KLF13: variants seen among roughly 807,000 people sequenced by gnomAD.
The protein encoded by KLF13 is KLF transcription factor 13, also known as Krueppel-like factor 13.
KLF13 carries 8 observed loss-of-function variants against 16.7 expected under a neutral mutation model. The ratio of observed to expected loss-of-function variants is 0.48; its 90% CI spans 0.28 to 0.87. KLF13 has a LOEUF of 0.87. Among genes scored for constraint, KLF13 ranks in the 40% least tolerant of loss-of-function variants. The pLI, the probability that KLF13 is intolerant of heterozygous loss-of-function variation, is 0.10. For synonymous variants in KLF13, 245 were observed against 208.4 expected, an observed-to-expected ratio of 1.18 and a Z score of -1.51; for missense variants, 447 against 452.2, an observed-to-expected ratio of 0.99 and a Z score of 0.10.
intron 1 of KLF13, among the ~76,000 whole-genome samples, chr15:31,360,106 C>T (rs956333876): frequency 6.6e-6 from 1 of 152,198 alleles, no homozygotes; most frequent in South Asian, 2.1e-4. Context: ...CTTCTGGGGG[C>T]CTGGCCGTGG....
rs188519038 is a variant in KLF13 at position 31,354,279 on chromosome 15, G to A, written c.578-17731G>A. ...CGTGGTGTGCTGGTGAGCAGGCCTG[G>A]GGAGAGCCAGAGGAGGGATGGGCTG... is the stretch of plus-strand genomic sequence containing the variant. On this transcript the variant is annotated intron_variant, in intron 1 of 1. Transcript: ENST00000307145. Among the ~76,000 whole-genome samples the A allele has an allele frequency of 3.0e-4, 45 of 152,346 alleles. 1 individual carries two copies. The South Asian group carries it at 3.1e-3, about 11-fold the overall frequency.
At chr15:31,424,796 A>G (rs186248784) in intron 1 of KLF13, among the ~76,000 whole-genome samples, 2 of 152,136 alleles carry the variant, frequency 1.3e-5, no homozygotes, top group East Asian at 3.9e-4. Flanking sequence ...GAAGAAAGAA[A>G]CTAAAGGCAT....
At chr15:31,385,018 T>A (rs113376180) in intron 1 of KLF13, among the ~76,000 whole-genome samples, 298 of 152,206 alleles carry the variant, frequency 2.0e-3, no homozygotes, top group African/African-American at 6.7e-3. Flanking sequence ...GATTTCATAA[T>A]CCTCATGAAT....
intron 2 of KLF13, among the ~76,000 whole-genome samples, chr15:31,396,059 CTT>C (rs775974099): frequency 6.6e-6 from 1 of 152,134 alleles, no homozygotes; most frequent in Non-Finnish European, 1.5e-5. Context: ...GAGTTTCGCT[CTT>C]GTTTCCCATG....
chr15:31,410,023 C>T (rs752349645), intron 1 of KLF13, among the ~76,000 whole-genome samples: 4 of 151,972 alleles, frequency 2.6e-5, no homozygotes, highest in Non-Finnish European at 4.4e-5. Flanking sequence ...TAAAAGACAA[C>T]GGTCTCAAGC....
intron 1 of KLF13, among the ~76,000 whole-genome samples, chr15:31,424,905 A>ACACACACAC (rs1555383520): frequency 1.3e-5 from 2 of 151,438 alleles, no homozygotes; most frequent in Non-Finnish European, 2.9e-5. Context: ...ACACACACAC[A>ACACACACAC]AAGCTCTTAG....
At chr15:31,378,982 G>A (rs2039690996), downstream of KLF13, among the ~76,000 whole-genome samples, 1 of 152,176 alleles carries the variant, frequency 6.6e-6, no homozygotes, top group Admixed American at 6.5e-5. Context: ...GCCTCCCAAA[G>A]TGCTGGGGAT....
downstream of KLF13, among the ~76,000 whole-genome samples, chr15:31,409,619 C>T (rs1203436382): frequency 6.6e-6 from 1 of 152,038 alleles, no homozygotes; most frequent in African/African-American, 2.4e-5. Flanking sequence ...AAAGAAAAGA[C>T]CCTGAAGACA....
intron 1 of KLF13, among the ~76,000 whole-genome samples, chr15:31,421,261 G>A (rs959444770): frequency 4.6e-5 from 7 of 152,094 alleles, no homozygotes; most frequent in Non-Finnish European, 8.8e-5. Context: ...ACAAAAAAAT[G>A]CTAAAGGGAG....
upstream of KLF13, among the ~76,000 whole-genome samples, chr15:31,388,470 C>T (rs181730404): frequency 5.9e-5 from 9 of 151,824 alleles, no homozygotes; most frequent in South Asian, 2.1e-4. Flanking sequence ...CAAAATTAGC[C>T]GGGTGCGGTG....
intron 1 of KLF13, among the ~76,000 whole-genome samples, chr15:31,419,595 C>T (rs1566846384): frequency 6.6e-6 from 1 of 151,928 alleles, no homozygotes; most frequent in South Asian, 2.1e-4. Flanking sequence ...AAGTTGAAGA[C>T]AGATAATTTG....
chr15:31,333,350 T>G (rs942825654), intron 1 of KLF13, among the ~76,000 whole-genome samples: 5 of 152,216 alleles, frequency 3.3e-5, no homozygotes, highest in African/African-American at 1.2e-4. Context: ...TGTGTCCTAC[T>G]GCCACTCCTG....
downstream of KLF13, among the ~76,000 whole-genome samples, chr15:31,407,851 G>A (rs1354212965): frequency 6.6e-6 from 1 of 152,128 alleles, no homozygotes; most frequent in Non-Finnish European, 1.5e-5. Flanking sequence ...GCACCCATTT[G>A]TACTTACAGT....
chr15:31,384,109 T>C (rs1301793838), intron 1 of KLF13, among the ~76,000 whole-genome samples: 1 of 152,050 alleles, frequency 6.6e-6, no homozygotes, highest in Non-Finnish European at 1.5e-5. Context: ...CTTTTCTCTA[T>C]AGCTATATTG....
intron 1 of KLF13, among the ~76,000 whole-genome samples, chr15:31,346,906 G>A (rs1442722114): frequency 6.6e-6 from 1 of 152,144 alleles, no homozygotes; most frequent in Non-Finnish European, 1.5e-5. Flanking sequence ...CTGGACGTGT[G>A]GGTTGGGTGG....
chr15:31,420,451 C>T lies in KLF13; in HGVS notation n.118-14919C>T. 3 of 868,706 alleles carry T rather than the reference C, an allele frequency of 3.5e-6. No individual in the cohort carries two copies. The Admixed American group carries it at 5.3e-5, about 15-fold the overall frequency. The allele number at this position is 868,706 out of a possible 1,614,324, so 53.8% of individuals were successfully genotyped here. On this transcript the variant is annotated intron_variant and non_coding_transcript_variant, in intron 1 of 1. Transcript: ENST00000558225. ...CATCCTGCTACCACCCCAACATAGA[C>T]ACCCAGGGTAACATATGCCTGGATA...
chr15:31,348,302 C>G (rs1034684711), intron 1 of KLF13, among the ~76,000 whole-genome samples: 8 of 152,080 alleles, frequency 5.3e-5, no homozygotes, highest in Admixed American at 5.2e-4. Flanking sequence ...ACAGCAGAAC[C>G]CAGAGGGCCT....
downstream of KLF13, among the ~76,000 whole-genome samples, chr15:31,378,080 T>C (rs1004309636): frequency 2.0e-5 from 3 of 152,100 alleles, no homozygotes; most frequent in Admixed American, 2.0e-4. Flanking sequence ...CAGTGGGTGC[T>C]CTTCTGGCTT....
intron 1 of KLF13, among the ~76,000 whole-genome samples, chr15:31,418,333 A>G (rs1243177370): frequency 6.6e-6 from 1 of 152,200 alleles, no homozygotes; most frequent in Non-Finnish European, 1.5e-5. Flanking sequence ...ATCAGAGAAA[A>G]AGTATATTAA....
Sources: allele counts gnomAD v4.1 joint callset (sites outside exome capture counted in the v4.1 genomes callset), GRCh38; gene constraint gnomAD v4.1.1; transcripts MANE v1.5; gene names NCBI Gene and HGNC (gene_info 2026-07-23, HGNC 2026-07-21).